DMD: variants seen among roughly 807,000 people sequenced by gnomAD.
DMD encodes dystrophin.
Under a neutral mutation model 330.1 loss-of-function variants are expected in DMD, and 63 were observed. The observed-to-expected ratio is 0.19, with a 90% CI of 0.16 to 0.24. DMD has a LOEUF of 0.24. Among genes scored for constraint, DMD ranks in the 10% least tolerant of loss-of-function variants. DMD has a pLI of 1.00. For synonymous variants in DMD, 1,223 were observed against 959.8 expected, an observed-to-expected ratio of 1.27 and a Z score of -5.07; for missense variants, 3,344 against 2,684.1, an observed-to-expected ratio of 1.25 and a Z score of -5.43.
At chrX:31,971,031 T>C (rs923620413) in intron 44 of DMD, among the ~76,000 whole-genome samples, 2 of 111,613 alleles carry the variant, frequency 1.8e-5, no homozygotes, top group Non-Finnish European at 3.8e-5. Context: ...TCCTAGACTT[T>C]AATGCGCATA....
chrX:31,290,383 C>G lies in DMD; in HGVS notation c.9225-29367G>C, dbSNP rs1569519045. Among the ~76,000 whole-genome samples, 3 of 111,264 alleles carry G rather than the reference C, an allele frequency of 2.7e-5. No homozygotes were observed. In the Admixed American group the frequency reaches 2.9e-4, roughly 11 times the overall value. ...AGATTACCTTAAGTACATATTGACT[C>G]CCTAAATATGTGAATAACAAATATA... On this transcript the variant is annotated intron_variant, in intron 62 of 78. Coordinates refer to ENST00000357033, the MANE Select transcript of DMD (RefSeq NM_004006.3).
intron 9 of DMD, among the ~76,000 whole-genome samples, chrX:32,686,176 C>A (rs1362308506): frequency 1.8e-5 from 2 of 111,382 alleles, no homozygotes; most frequent in East Asian, 2.8e-4. Flanking sequence ...TAGATAAAGA[C>A]CACAATATGC....
intron 2 of DMD, among the ~76,000 whole-genome samples, chrX:32,909,173 A>G (rs980772536): frequency 6.5e-5 from 6 of 92,892 alleles, no homozygotes; most frequent in African/African-American, 2.2e-4. Flanking sequence ...AAAAAAAAAA[A>G]GTAACCTGAG....
At chrX:32,734,437 G>C (rs368188690) in intron 7 of DMD, among the ~76,000 whole-genome samples, 10,023 of 104,360 alleles carry the variant, frequency 0.096, 1,695 homozygotes, top group African/African-American at 0.35. Flanking sequence ...ATCCTGATAC[G>C]AAAGCCTGGC....
intron 9 of DMD, among the ~76,000 whole-genome samples, chrX:32,683,788 A>T (rs1477158169): frequency 1.2e-5 from 1 of 86,651 alleles, no homozygotes; most frequent in Admixed American, 1.2e-4. Flanking sequence ...AAAGTATAAT[A>T]AAAAAAAAAA....
In DMD at chrX:31,321,583, C is replaced by CAAAAAAAAAAAAAAAAAAAA. The variant is rs1190446358; in HGVS notation, c.9224+1995_9224+2014dup. On this transcript the variant is annotated intron_variant, in intron 62 of 78. Transcript: ENST00000357033. ...TGGGCAACAGAGTGAAACTCCATCT[C>CAAAAAAAAAAAAAAAAAAAA]AAAAAAAAAAAAAAAAAAAAAAAAA... is the stretch of plus-strand genomic sequence containing the variant. 7.6e-4 allele frequency among the ~76,000 whole-genome samples: 8 copies of CAAAAAAAAAAAAAAAAAAAA among 10,466 alleles called. 1 individual carries two copies. Among genetic ancestry groups the CAAAAAAAAAAAAAAAAAAAA allele is most frequent in the Non-Finnish European group, 1.2e-3 (8 of 6,750 alleles). 9.1% of individuals were successfully genotyped at this position (10,466 alleles called of 115,157 possible). A position where few individuals can be genotyped will look rare whatever the true frequency, so the allele number is the denominator to read the frequency against.
intron 44 of DMD, among the ~76,000 whole-genome samples, chrX:31,972,758 G>A (rs1332224404): frequency 1.8e-5 from 2 of 111,647 alleles, no homozygotes; most frequent in African/African-American, 3.3e-5. Context: ...ATCATTAACC[G>A]AGTTTACTGA....
intron 76 of DMD, among the ~76,000 whole-genome samples, chrX:31,139,474 T>TACACAC (rs57784155): frequency 1.3e-3 from 125 of 98,589 alleles, no homozygotes; most frequent in Admixed American, 1.6e-3. Context: ...GGTGTTTATA[T>TACACAC]ACACACACAC....
intron 2 of DMD, among the ~76,000 whole-genome samples, chrX:32,880,816 T>A (rs1469857716): frequency 1.8e-5 from 2 of 112,071 alleles, no homozygotes; most frequent in African/African-American, 6.5e-5. Context: ...TGGTGACGCA[T>A]GCCTGTAATC....
intron 54 of DMD, among the ~76,000 whole-genome samples, chrX:31,628,752 C>A (rs5972422): frequency 0.016 from 1,800 of 109,450 alleles, 19 homozygotes; most frequent in East Asian, 0.036. Context: ...TAAAAAATTC[C>A]TGTGAAGTTG....
intron 11 of DMD, among the ~76,000 whole-genome samples, chrX:32,628,015 C>G (rs1360911420): frequency 9.1e-6 from 1 of 110,101 alleles, no homozygotes; most frequent in African/African-American, 3.3e-5. Context: ...TCCATCACCT[C>G]GAGCACTTAT....
At chrX:32,107,368 G>A (rs957301210) in intron 44 of DMD, among the ~76,000 whole-genome samples, 25 of 90,835 alleles carry the variant, frequency 2.8e-4, no homozygotes, top group African/African-American at 1.4e-3. Flanking sequence ...GTGTGTGTGT[G>A]TGTGTCTCTG....
intron 50 of DMD, among the ~76,000 whole-genome samples, chrX:31,814,407 C>T (rs1006033240): frequency 1.1e-5 from 1 of 91,357 alleles, no homozygotes; most frequent in Non-Finnish European, 2.1e-5. Context: ...GGCGTGAACC[C>T]GGGAGGCGGA....
At chrX:32,596,231 A>G (rs1314208502) in intron 12 of DMD, among the ~76,000 whole-genome samples, 1 of 110,031 alleles carries the variant, frequency 9.1e-6, no homozygotes, top group Non-Finnish European at 1.9e-5. Context: ...CCATTACCAT[A>G]AAAATAAAAC....
chrX:33,073,062 T>C (rs2094783909), intron 1 of DMD, among the ~76,000 whole-genome samples: 1 of 112,273 alleles, frequency 8.9e-6, no homozygotes, highest in Non-Finnish European at 1.9e-5. Flanking sequence ...ATATACATAA[T>C]CTTTCACTTT....
At chrX:32,401,177 G>A in intron 30 of DMD, among the ~76,000 whole-genome samples, 1 of 80,838 alleles carries the variant, frequency 1.2e-5, no homozygotes, top group African/African-American at 5.0e-5. Flanking sequence ...ACCGGGGACT[G>A]TTGTGGGGTG....
chrX:32,655,793 T>C (rs1227088572), intron 9 of DMD, among the ~76,000 whole-genome samples: 1 of 111,410 alleles, frequency 9.0e-6, no homozygotes, highest in Non-Finnish European at 1.9e-5. Context: ...TGTAGGTCTA[T>C]AAGGACTTGC....
intron 2 of DMD, among the ~76,000 whole-genome samples, chrX:32,893,965 G>A (rs1012599696): frequency 9.0e-6 from 1 of 110,641 alleles, no homozygotes; most frequent in Non-Finnish European, 1.9e-5. Context: ...GGTGGCCGGT[G>A]CCATTCCAGT....
intron 43 of DMD, 81 bp from the exon 44 acceptor site, chrX:32,217,144 G>A: frequency 4.0e-6 from 4 of 999,955 alleles, no homozygotes; most frequent in Non-Finnish European, 5.6e-6. Context: ...ATATTTTTTG[G>A]TTATACTGAC....
Sources: gnomAD v4.1 joint callset for allele counts (sites outside exome capture counted in the v4.1 genomes callset) on GRCh38, gnomAD v4.1.1 for gene constraint, MANE v1.5 for transcripts, NCBI Gene and HGNC (gene_info 2026-07-23, HGNC 2026-07-21) for gene names.